LINGO2: variants seen among roughly 807,000 people sequenced by gnomAD.
LINGO2 encodes leucine-rich repeat and immunoglobulin-like domain-containing nogo receptor-interacting protein 2.
LINGO2 carries 14 observed loss-of-function variants against 30.6 expected under a neutral mutation model. The ratio of observed to expected loss-of-function variants is 0.46; its 90% CI spans 0.30 to 0.72. The LOEUF is 0.72. Among genes scored for constraint, LINGO2 ranks in the 30% least tolerant of loss-of-function variants. LINGO2 has a pLI of 0.07. For missense variants in LINGO2, 729 were observed against 751.7 expected, an observed-to-expected ratio of 0.97 and a Z score of 0.35; for synonymous variants, 317 against 288.5, an observed-to-expected ratio of 1.10 and a Z score of -1.00.
intron 3 of LINGO2, among the ~76,000 whole-genome samples, chr9:28,352,556 C>T (rs1276073777): frequency 2.9e-5 from 4 of 136,956 alleles, no homozygotes; most frequent in Admixed American, 7.6e-5. Flanking sequence ...GAATCAATAT[C>T]GTGAAAATGG....
chr9:28,960,471 C>A, the LINGO2 span, among the ~76,000 whole-genome samples: 4 of 151,178 alleles, frequency 2.6e-5, no homozygotes, highest in Admixed American at 6.6e-5. Flanking sequence ...TATGATGGAG[C>A]CAGCCTAGAT....
intron 4 of LINGO2, among the ~76,000 whole-genome samples, chr9:28,233,314 C>T (rs1053726921): frequency 2.6e-5 from 4 of 151,754 alleles, no homozygotes; most frequent in African/African-American, 9.7e-5. Flanking sequence ...ACATTTACTT[C>T]CTATTTGAAA....
chr9:28,585,475 G>C (rs1824484687), intron 1 of LINGO2, among the ~76,000 whole-genome samples: 1 of 151,928 alleles, frequency 6.6e-6, no homozygotes, highest in Non-Finnish European at 1.5e-5. Context: ...ATAATGGTGG[G>C]AAAGCTATGG....
chr9:28,053,723 T>C (rs1182238855), intron 4 of LINGO2, among the ~76,000 whole-genome samples: 1 of 152,072 alleles, frequency 6.6e-6, no homozygotes, highest in Non-Finnish European at 1.5e-5. Context: ...AGGTCTATAT[T>C]GGAACTGGAT....
At chr9:28,085,844 T>G (rs1825897774) in intron 4 of LINGO2, among the ~76,000 whole-genome samples, 1 of 152,038 alleles carries the variant, frequency 6.6e-6, no homozygotes, top group South Asian at 2.1e-4. Flanking sequence ...GGTGAGGTAT[T>G]TTACTGGGCG....
At chr9:28,733,095 C>T in the LINGO2 span, among the ~76,000 whole-genome samples, 1 of 152,096 alleles carries the variant, frequency 6.6e-6, no homozygotes, top group Non-Finnish European at 1.5e-5. Flanking sequence ...GAGTATATTG[C>T]TTAAAACAGG....
the LINGO2 span, among the ~76,000 whole-genome samples, chr9:29,030,966 G>C: frequency 1.3e-5 from 2 of 152,112 alleles, no homozygotes; most frequent in Admixed American, 6.6e-5. Context: ...CCATGGTGCA[G>C]GTATCACTGT....
At chr9:28,686,101 A>C in the LINGO2 span, among the ~76,000 whole-genome samples, 1 of 151,960 alleles carries the variant, frequency 6.6e-6, no homozygotes, top group South Asian at 2.1e-4. Flanking sequence ...CTGCCCAGAT[A>C]TGGGGCAGAA....
In LINGO2 at chr9:28,557,496, G is replaced by A. The variant is rs371874996; in HGVS notation, c.-364-81471C>T. On this transcript the variant is annotated intron_variant, in intron 1 of 5. Transcript: ENST00000379992. ...GGCGATCATTAAAAAGTCAGAAAAC[G>A]ACAGGTGCTGGAGAGGATGTGGAGA... Among the ~76,000 whole-genome samples, 41 of 152,026 alleles carry A rather than the reference G, an allele frequency of 2.7e-4. 1 individual carries two copies. Among genetic ancestry groups the A allele is most frequent in the Admixed American group, 7.9e-4 (12 of 15,258 alleles).
At chr9:28,101,290 A>C (rs1021749895) in intron 4 of LINGO2, among the ~76,000 whole-genome samples, 3 of 152,092 alleles carry the variant, frequency 2.0e-5, no homozygotes, top group Non-Finnish European at 4.4e-5. Context: ...ATACAGCTCC[A>C]GTTTTCAGCT....
At chr9:29,032,682 A>T in the LINGO2 span, among the ~76,000 whole-genome samples, 5 of 152,186 alleles carry the variant, frequency 3.3e-5, no homozygotes, top group Non-Finnish European at 7.4e-5. Context: ...AACAGATGCC[A>T]AAGCCTGTAG....
At chr9:28,021,832 TC>T (rs1302559952) in intron 4 of LINGO2, among the ~76,000 whole-genome samples, 1 of 150,132 alleles carries the variant, frequency 6.7e-6, no homozygotes, top group Admixed American at 6.6e-5. Context: ...TAAAATTTTT[TC>T]CATCTTTGTT....
chr9:28,978,403 T>C, the LINGO2 span, among the ~76,000 whole-genome samples: 8 of 152,102 alleles, frequency 5.3e-5, no homozygotes, highest in African/African-American at 1.9e-4. Flanking sequence ...TATGATAGGG[T>C]ATGTTGTAGC....
intron 3 of LINGO2, among the ~76,000 whole-genome samples, chr9:28,357,318 CA>C (rs146031565): frequency 0.66 from 89,573 of 135,292 alleles, 30,453 homozygotes; most frequent in Middle Eastern, 0.75. Flanking sequence ...AAATAAAGCC[CA>C]CCCCCCCCAA....
At chr9:28,123,407 C>G (rs1827153206) in intron 4 of LINGO2, among the ~76,000 whole-genome samples, 2 of 152,156 alleles carry the variant, frequency 1.3e-5, no homozygotes, top group South Asian at 4.1e-4. Flanking sequence ...TCAGCAGTGT[C>G]TTCCTGTTTC....
At chr9:28,692,344 G>C in the LINGO2 span, among the ~76,000 whole-genome samples, 1 of 151,956 alleles carries the variant, frequency 6.6e-6, no homozygotes, top group African/African-American at 2.4e-5. Context: ...GTGTGGTGGT[G>C]TGCACCTGTA....
At chr9:28,537,960 C>T (rs2135450268) in intron 1 of LINGO2, among the ~76,000 whole-genome samples, 1 of 150,744 alleles carries the variant, frequency 6.6e-6, no homozygotes, top group East Asian at 1.9e-4. Flanking sequence ...CCCTAAAATT[C>T]TAAGAAATAA....
the LINGO2 span, among the ~76,000 whole-genome samples, chr9:28,926,238 T>C: frequency 1.3e-5 from 2 of 152,138 alleles, no homozygotes; most frequent in East Asian, 3.9e-4. Context: ...TGCTTGAACC[T>C]GAGAGGCAGA....
the LINGO2 span, among the ~76,000 whole-genome samples, chr9:28,883,628 G>GTGTGTATGTATATATATGTATA: frequency 6.2e-5 from 4 of 64,180 alleles, no homozygotes; most frequent in East Asian, 5.1e-4. Flanking sequence ...ATGTGTGTGT[G>GTGTGTATGTATATATATGTATA]TATATATATA....
Sources: allele counts gnomAD v4.1 joint callset (sites outside exome capture counted in the v4.1 genomes callset), GRCh38; gene constraint gnomAD v4.1.1; transcripts MANE v1.5; gene names NCBI Gene and HGNC (gene_info 2026-07-23, HGNC 2026-07-21).